Variants in ZBTB46 observed in about 807,000 individuals in gnomAD.
The protein encoded by ZBTB46 is zinc finger and BTB domain containing 46, also known as zinc finger and BTB domain-containing protein 46.
ZBTB46 carries 8 observed loss-of-function variants against 44.1 expected under a neutral mutation model. That is an observed-to-expected ratio of 0.18 (90% CI 0.11 to 0.33). The LOEUF (loss-of-function observed/expected upper bound fraction) is 0.33. Ranked by LOEUF, ZBTB46 falls within the 10% of genes least tolerant of loss-of-function variation. ZBTB46 has a pLI of 1.00. For synonymous variants in ZBTB46, 409 were observed against 382.3 expected (o/e 1.07, Z -0.81); for missense variants, 651 against 847.7 (o/e 0.77, Z 2.88).
intron 1 of ZBTB46, among the ~76,000 whole-genome samples, chr20:63,801,639 C>T (rs2092646403): frequency 6.6e-6 from 1 of 152,228 alleles, no homozygotes; most frequent in African/African-American, 2.4e-5. Context: ...TGAAGGTCTG[C>T]AGCTTCACTC....
In ZBTB46 at chr20:63,746,832, GA is replaced by G. The variant is rs2092094192; in HGVS notation, c.*97del. ...GGGGGAAGCAGAGGAGGGGCCGCGA[GA>G]GGGGTGAGCGTGGCCCTGGCCCCGC... On this transcript the variant is annotated 3_prime_UTR_variant, in exon 5 of 5. Transcript: ENST00000245663. 6.4e-6 allele frequency: 9 copies of G among 1,410,294 alleles called. No homozygotes were observed. The highest frequency in any genetic ancestry group is 1.5e-5 in the African/African-American group (1 of 67,514). The allele number at this position is 1,410,294 out of a possible 1,614,324, so 87.4% of individuals were successfully genotyped here.
chr20:63,749,531 T>A (rs1476199167), intron 4 of ZBTB46, among the ~76,000 whole-genome samples: 1 of 151,770 alleles, frequency 6.6e-6, no homozygotes, highest in East Asian at 1.9e-4. Context: ...AGAGACGGGG[T>A]TTCACCGTGT....
chr20:63,752,770 G>C lies in ZBTB46; in HGVS notation c.1314C>G (p.Arg438=). 1 of 1,613,028 alleles carries C rather than the reference G, an allele frequency of 6.2e-7. No individual in the cohort carries two copies. The highest frequency in any genetic ancestry group is 8.5e-7 in the Non-Finnish European group (1 of 1,179,624). The change falls in exon 4 of 5, where the codon CGC becomes CGG. Residue 438 remains arginine (R), a synonymous_variant. Coordinates refer to ENST00000245663, the MANE Select transcript of ZBTB46 (RefSeq NM_001369741.1). The surrounding 1 kb of genome is among the most constrained non-coding windows in gnomAD (Gnocchi z 5.6). ...GGTAGGGCCGCTCTCCCGTGTGCGA[G>C]CGCATGTGTCGCTTGAGGATGCACT... The part of the protein sequence containing the change: ...MHQCILKRHM[R]SHTGERPYPC...
intron 1 of ZBTB46, among the ~76,000 whole-genome samples, chr20:63,800,475 C>G (rs568786148): frequency 1.1e-4 from 16 of 152,366 alleles, no homozygotes; most frequent in African/African-American, 3.6e-4. Flanking sequence ...CTTGAGGAGC[C>G]CTTCAGCCCG....
At chr20:63,758,199 C>T (rs1156897029) in intron 3 of ZBTB46, among the ~76,000 whole-genome samples, 4 of 143,764 alleles carry the variant, frequency 2.8e-5, no homozygotes, top group Non-Finnish European at 4.5e-5. Context: ...CCACCCGCCC[C>T]GTCCAGAGCT....
In ZBTB46 at chr20:63,790,795, G is replaced by A. The variant is rs2092554926; in HGVS notation, c.-33-5C>T. 6.5e-7 allele frequency: 1 copy of A among 1,548,110 alleles called. No individual in the cohort carries two copies. Among genetic ancestry groups the A allele is most frequent in the Non-Finnish European group, 8.7e-7 (1 of 1,151,236 alleles). On this transcript the variant is annotated splice_polypyrimidine_tract_variant and splice_region_variant and intron_variant, in intron 1 of 4. Coordinates refer to ENST00000245663, the MANE Select transcript of ZBTB46 (RefSeq NM_001369741.1). ...GTGTCGCCTCTTCTACAGACTCTGT[G>A]GAGGTAAGAACAAGAGTTACCCAAG...
chr20:63,763,594 C>T (rs980549067), intron 3 of ZBTB46, among the ~76,000 whole-genome samples: 2 of 152,134 alleles, frequency 1.3e-5, no homozygotes, highest in Non-Finnish European at 2.9e-5. Context: ...ATCATGAGGA[C>T]AGCACTAAGG....
chr20:63,799,051 G>A (rs1177826362), intron 1 of ZBTB46, among the ~76,000 whole-genome samples: 6 of 151,856 alleles, frequency 4.0e-5, no homozygotes, highest in African/African-American at 1.5e-4. Flanking sequence ...TTTGTTTTCA[G>A]ACAAGGTGTC....
chr20:63,820,318 C>G (rs1297419110), intron 1 of ZBTB46, among the ~76,000 whole-genome samples: 1 of 152,024 alleles, frequency 6.6e-6, no homozygotes, highest in Non-Finnish European at 1.5e-5. Context: ...CCAGGATGGT[C>G]TCGATCTCCT....
intron 4 of ZBTB46, among the ~76,000 whole-genome samples, chr20:63,747,727 C>A (rs890621934): frequency 6.6e-6 from 1 of 152,244 alleles, no homozygotes; most frequent in Middle Eastern, 3.4e-3. Context: ...CAGCCCTGTC[C>A]CAAGGGGATG....
intron 2 of ZBTB46, among the ~76,000 whole-genome samples, chr20:63,780,220 G>A (rs1601452068): frequency 1.3e-5 from 2 of 150,054 alleles, no homozygotes; most frequent in East Asian, 2.0e-4. Context: ...GCGGTGAGCC[G>A]AGATCACACC....
At chr20:63,791,657 C>A (rs2092562076) in intron 1 of ZBTB46, among the ~76,000 whole-genome samples, 1 of 152,178 alleles carries the variant, frequency 6.6e-6, no homozygotes, top group Non-Finnish European at 1.5e-5. Context: ...TGGGTCCCTG[C>A]CCAGCACTGG....
At chr20:63,797,902 C>T (rs1478412957) in intron 1 of ZBTB46, among the ~76,000 whole-genome samples, 1 of 152,082 alleles carries the variant, frequency 6.6e-6, no homozygotes, top group Admixed American at 6.5e-5. Flanking sequence ...TCTGGATATT[C>T]GCCCTTTGTC....
intron 1 of ZBTB46, among the ~76,000 whole-genome samples, chr20:63,799,005 A>T (rs1015954042): frequency 1.3e-5 from 2 of 152,028 alleles, no homozygotes; most frequent in Non-Finnish European, 2.9e-5. Flanking sequence ...CACCTACTCT[A>T]AGAACTGCTC....
chr20:63,798,674 CAA>C (rs71197435), intron 1 of ZBTB46, among the ~76,000 whole-genome samples: 13 of 18,744 alleles, frequency 6.9e-4, no homozygotes, highest in South Asian at 3.6e-3. Context: ...GACTCTGTCT[CAA>C]AAAAAAAAAA....
rs1417079872 is a variant in ZBTB46, at chr20:63,790,252, G to A, written c.506C>T (p.Pro169Leu). 2 of 1,611,606 alleles carry A rather than the reference G, an allele frequency of 1.2e-6. No homozygotes were observed. Among genetic ancestry groups the A allele is most frequent in the East Asian group, 2.2e-5 (1 of 44,810 alleles). Residue 169 changes from proline to leucine, a missense_variant, in exon 2 of 5, where the codon CCG (proline) becomes CTG (leucine). Coordinates refer to ENST00000245663, the MANE Select transcript of ZBTB46 (RefSeq NM_001369741.1). ...SAVMAGRSIS[P>L]WLARRTSPAN... Reference sequence around the variant, plus strand: ...AGGACTCGTTCGCCGTGCCAGCCACGGGGAGATGCTCCTCCCAGCCATCAC... The same window carrying A: ...AGGACTCGTTCGCCGTGCCAGCCACAGGGAGATGCTCCTCCCAGCCATCAC...
At position 63,764,552 on chromosome 20, in the gene ZBTB46, T is replaced by C. The variant is rs2092302494; in HGVS notation, c.1222+11126A>G. On this transcript the variant is annotated intron_variant, in intron 3 of 4. Transcript: ENST00000245663. ...ATTGTCTTCTAGCTTCTGTAGTTTC[T>C]GGGAAAGTCAGCCATCACTGTTGTT... is the stretch of plus-strand genomic sequence containing the variant. 1.3e-5 allele frequency among the ~76,000 whole-genome samples: 2 copies of C among 152,172 alleles called. 1 individual carries two copies. The highest frequency in any genetic ancestry group is 4.1e-4 in the South Asian group (2 of 4,832).
At chr20:63,794,622 T>C (rs2092586546) in intron 1 of ZBTB46, among the ~76,000 whole-genome samples, 2 of 152,240 alleles carry the variant, frequency 1.3e-5, no homozygotes, top group African/African-American at 4.8e-5. Context: ...CAATAATCTC[T>C]CAGCATCAGA....
intron 1 of ZBTB46, among the ~76,000 whole-genome samples, chr20:63,799,886 G>A (rs758538987): frequency 1.3e-5 from 2 of 152,120 alleles, no homozygotes; most frequent in Non-Finnish European, 2.9e-5. Flanking sequence ...CGGTGCAGCC[G>A]CTGTGGAAAA....
Sources: allele counts gnomAD v4.1 joint callset (sites outside exome capture counted in the v4.1 genomes callset), GRCh38; gene constraint gnomAD v4.1.1; non-coding constraint Gnocchi (gnomAD v3.1); transcripts MANE v1.5; gene names NCBI Gene and HGNC (gene_info 2026-07-23, HGNC 2026-07-21).